Variants in ME2 observed in about 807,000 individuals in gnomAD.
ME2 encodes the protein malic enzyme 2.
Under a neutral mutation model 73.7 loss-of-function variants are expected in ME2, and 60 were observed. The ratio of observed to expected loss-of-function variants is 0.81; its 90% CI spans 0.66 to 1.01. The LOEUF (loss-of-function observed/expected upper bound fraction) is 1.01, where lower values mean the gene tolerates loss of function less well. Among genes scored for constraint, ME2 ranks in the 50% least tolerant of loss-of-function variants. The pLI is 0.00. For missense variants in ME2, 594 were observed against 705.5 expected, an observed-to-expected ratio of 0.84 and a Z score of 1.79; for synonymous variants, 199 against 236.9, an observed-to-expected ratio of 0.84 and a Z score of 1.47.
intron 7 of ME2, among the ~76,000 whole-genome samples, chr18:50,919,049 C>CGA (rs1284004017): frequency 1.1e-5 from 1 of 88,170 alleles, no homozygotes; most frequent in African/African-American, 5.5e-5. Flanking sequence ...ACTCTTCTGC[C>CGA]TTCTCCGTCA....
chr18:50,940,885 C>T (rs917975966), intron 15 of ME2, among the ~76,000 whole-genome samples: 1 of 152,090 alleles, frequency 6.6e-6, no homozygotes, highest in Non-Finnish European at 1.5e-5. Context: ...GCATGGCATT[C>T]TCTTTATTAT....
chr18:50,885,467 G>A (rs182052456), intron 1 of ME2, among the ~76,000 whole-genome samples: 1 of 152,054 alleles, frequency 6.6e-6, no homozygotes, highest in Admixed American at 6.6e-5. Context: ...GCAGTTAGCT[G>A]TGATTATACA....
At position 50,950,467 on chromosome 18, in the gene ME2, C is replaced by CTTTTTTTTTTTTTTTTTT. The variant is rs1182196966; in HGVS notation, c.*3294_*3311dup. The CTTTTTTTTTTTTTTTTTT allele has an allele frequency of 8.9e-5, 4 of 45,086 alleles. No homozygotes were observed. Among genetic ancestry groups the CTTTTTTTTTTTTTTTTTT allele is most frequent in the African/African-American group, 3.5e-4 (4 of 11,296 alleles). 2.8% of individuals were successfully genotyped at this position (45,086 alleles called of 1,614,324 possible). ...GCCTGGGGTGGGGCCTCAGATTCTG[C>CTTTTTTTTTTTTTTTTTT]TTTTTTTTTTTTTTTTTTTTTTTTT... On this transcript the variant is annotated 3_prime_UTR_variant, in exon 16 of 16. Transcript: ENST00000321341.
chr18:50,899,077 A>G (rs572871176), intron 2 of ME2, among the ~76,000 whole-genome samples: 39 of 152,280 alleles, frequency 2.6e-4, no homozygotes, highest in African/African-American at 8.9e-4. Context: ...GCCACTCCTC[A>G]TGGCTTGCAT....
intron 2 of ME2, among the ~76,000 whole-genome samples, chr18:50,907,221 G>A (rs1255877817): frequency 1.3e-5 from 2 of 152,176 alleles, no homozygotes; most frequent in African/African-American, 4.8e-5. Context: ...ATAGGGCTTA[G>A]AAGAATCTCC....
chr18:50,940,302 A>G lies in ME2; in HGVS notation c.1503A>G (p.Gln501=), dbSNP rs1305391092. ...FLEAAKALTS[Q]LTDEELAQGR... is the part of the protein sequence containing the mutation. ...TTTCTCTTCAGGCCCTGACAAGCCA[A>G]TTGACAGATGAAGAGCTAGCCCAAG... Residue 501 remains glutamine, a synonymous_variant, in exon 15 of 16, where the codon CAA becomes CAG. Transcript: ENST00000321341. The G allele has an allele frequency of 3.1e-6, 5 of 1,607,982 alleles. No individual in the cohort carries two copies. Among genetic ancestry groups the G allele is most frequent in the Non-Finnish European group, 4.2e-6 (5 of 1,178,572 alleles).
intron 2 of ME2, among the ~76,000 whole-genome samples, chr18:50,897,536 A>G (rs1447090045): frequency 6.6e-6 from 1 of 151,268 alleles, no homozygotes; most frequent in African/African-American, 2.4e-5. Flanking sequence ...GACCAGCCTG[A>G]CCAACATGGA....
At chr18:50,905,090 A>T (rs577100637) in intron 2 of ME2, among the ~76,000 whole-genome samples, 2 of 151,904 alleles carry the variant, frequency 1.3e-5, no homozygotes, top group South Asian at 4.2e-4. Flanking sequence ...GGGTTCAAGC[A>T]ATTCTCCTGC....
intron 1 of ME2, among the ~76,000 whole-genome samples, chr18:50,889,346 T>A (rs1375735548): frequency 6.6e-6 from 1 of 152,168 alleles, no homozygotes; most frequent in Non-Finnish European, 1.5e-5. Context: ...TGCTGGACAT[T>A]AAGCTCTATA....
At chr18:50,943,691 A>G (rs1210470715) in intron 15 of ME2, among the ~76,000 whole-genome samples, 1 of 152,166 alleles carries the variant, frequency 6.6e-6, no homozygotes, top group Non-Finnish European at 1.5e-5. Flanking sequence ...TGTTCAGGGA[A>G]TAATAGTTGA....
At chr18:50,927,154 T>A (rs918672927) in intron 12 of ME2, among the ~76,000 whole-genome samples, 5 of 152,204 alleles carry the variant, frequency 3.3e-5, no homozygotes, top group Non-Finnish European at 7.3e-5. Context: ...TTCCTACCAT[T>A]CTGTAAGGAT....
At chr18:50,921,469 G>A (rs933832735) in intron 10 of ME2, among the ~76,000 whole-genome samples, 10 of 152,156 alleles carry the variant, frequency 6.6e-5, no homozygotes, top group Non-Finnish European at 1.3e-4. Context: ...AAGTATGATC[G>A]TGTTTGACAC....
At chr18:50,891,147 G>T (rs1360800024) in intron 1 of ME2, among the ~76,000 whole-genome samples, 2 of 152,156 alleles carry the variant, frequency 1.3e-5, no homozygotes, top group South Asian at 4.1e-4. Context: ...CTAACCAGTA[G>T]ACCCAAGGCA....
intron 12 of ME2, 50 bp downstream of exon 12, chr18:50,925,948 C>A: frequency 1.5e-6 from 2 of 1,306,798 alleles, no homozygotes; most frequent in South Asian, 1.2e-5. Context: ...CCTCCACTAG[C>A]TTATTAGTTA....
At position 50,952,957 on chromosome 18, in the gene ME2, G is replaced by A. The variant is rs1223021295; in HGVS notation, c.*5773G>A. 3 of 152,158 alleles carry A rather than the reference G, an allele frequency of 2.0e-5. No individual in the cohort carries two copies. Among genetic ancestry groups the A allele is most frequent in the Non-Finnish European group, 4.4e-5 (3 of 68,040 alleles). The allele number at this position is 152,158 out of a possible 1,614,324, so 9.4% of individuals were successfully genotyped here. On this transcript the variant is annotated 3_prime_UTR_variant, in exon 16 of 16. Transcript: ENST00000321341. ...GAGGCACAGAGAGGTTAAATGACTT[G>A]TCAAAGGTCTTATGATGTGTGGCAG...
At chr18:50,934,984 G>A (rs1917783775) in intron 13 of ME2, 1 of 152,146 alleles carries the variant, frequency 6.6e-6, no homozygotes, top group Admixed American at 6.5e-5. Context: ...CATGGAAAGT[G>A]GACAAGATCG....
chr18:50,885,971 C>T (rs972199351), intron 1 of ME2, among the ~76,000 whole-genome samples: 1 of 152,112 alleles, frequency 6.6e-6, no homozygotes, highest in African/African-American at 2.4e-5. Context: ...CAAATTCTCT[C>T]TCTTAAAAAT....
intron 2 of ME2, among the ~76,000 whole-genome samples, chr18:50,898,588 C>T (rs1916810354): frequency 6.6e-6 from 1 of 152,148 alleles, no homozygotes; most frequent in Admixed American, 6.6e-5. Context: ...CGTGCCACTA[C>T]ACCTGGCTAC....
chr18:50,932,408 A>T, intron 13 of ME2, 48 bp downstream of exon 13: 1 of 1,417,812 alleles, frequency 7.1e-7, no homozygotes, highest in Non-Finnish European at 9.9e-7. Context: ...TAATTATGTA[A>T]AAATACTTAA....
Sources: gnomAD v4.1 joint callset for allele counts (sites outside exome capture counted in the v4.1 genomes callset) on GRCh38, gnomAD v4.1.1 for gene constraint, MANE v1.5 for transcripts, NCBI Gene and HGNC (gene_info 2026-07-23, HGNC 2026-07-21) for gene names.